Variants in OGN observed in about 807,000 individuals in gnomAD.
OGN encodes the protein mimecan.
In OGN, 19 loss-of-function variants were observed where a neutral mutation model predicts 30.8. The ratio of observed to expected loss-of-function variants is 0.62; its 90% confidence interval spans 0.43 to 0.90. OGN has a LOEUF of 0.90. Among genes scored for constraint, OGN ranks in the 40% least tolerant of loss-of-function variants. The probability of loss-of-function intolerance (pLI) is 0.00; values close to 1 mark genes in which losing one functional copy is unlikely to be tolerated. For missense variants in OGN, 283 were observed against 349.7 expected, an observed-to-expected ratio of 0.81 and a Z score of 1.52; for synonymous variants, 126 against 128.3, an observed-to-expected ratio of 0.98 and a Z score of 0.12.
chr9:92,396,101 C>T (rs1175047771), intron 3 of OGN, among the ~76,000 whole-genome samples: 2 of 152,128 alleles, frequency 1.3e-5, no homozygotes, highest in East Asian at 3.8e-4. Context: ...GTTCTTTCAG[C>T]ACCGTTTTTT....
At chr9:92,391,754 A>G (rs1842697058) in intron 4 of OGN, among the ~76,000 whole-genome samples, 1 of 152,214 alleles carries the variant, frequency 6.6e-6, no homozygotes, top group South Asian at 2.1e-4. Context: ...TACCTTGTTC[A>G]ACCTCAGATG....
At chr9:92,394,559 T>G (rs947598324) in intron 3 of OGN, among the ~76,000 whole-genome samples, 2 of 151,830 alleles carry the variant, frequency 1.3e-5, no homozygotes, top group African/African-American at 4.8e-5. Context: ...CCTATTTTGA[T>G]ATATTTTAAA....
Position 92,393,136 on chromosome 9 carries a change from G to A in OGN, c.377C>T (p.Ala126Val), listed in dbSNP as rs769144262. The A allele has an allele frequency of 2.5e-6, 4 of 1,613,736 alleles. No homozygotes were observed. The Admixed American group carries it at 5.0e-5, about 20-fold the overall frequency. The change falls in exon 4 of 7, where the codon GCA becomes GTA. Residue 126 changes from alanine to valine, a missense_variant. By Grantham distance (64) the Ala-to-Val change is moderately conservative. Transcript: ENST00000375561. ...PLPKESAYLY[A>V]RFNKIKKLTA... is the part of the protein sequence containing the mutation. ...CAGCTTTTTAATTTTGTTGAATCGTGCGTAAAGATAGGCTGATTCCTTTGG... is the reference window on the plus strand; with the variant it reads ...CAGCTTTTTAATTTTGTTGAATCGTACGTAAAGATAGGCTGATTCCTTTGG...
At chr9:92,394,647 C>G (rs531895495) in intron 3 of OGN, among the ~76,000 whole-genome samples, 51 of 152,076 alleles carry the variant, frequency 3.4e-4, no homozygotes, top group African/African-American at 1.2e-3. Flanking sequence ...CTTCGTCACC[C>G]AGGTTGGAGT....
Position 92,404,524 on chromosome 9 carries a change from GT to G in OGN, c.-105del. On this transcript the variant is annotated 5_prime_UTR_variant, in exon 1 of 7. An upstream open reading frame in the 5' UTR gains an earlier in-frame stop. Transcript: ENST00000375561. ...TGTAGCTGTTTTGAAGTTTTTTGTG[GT>G]TTTCCTCAATAGATGTTCATGTCTG... The G allele has an allele frequency of 7.7e-7, 1 of 1,297,208 alleles. No individual in the cohort carries two copies. Among genetic ancestry groups the G allele is most frequent in the Non-Finnish European group, 1.0e-6 (1 of 987,920 alleles). The allele number at this position is 1,297,208 out of a possible 1,614,324, so 80.4% of individuals were successfully genotyped here. A position where few individuals can be genotyped will look rare whatever the true frequency, so the allele number is the denominator to read the frequency against.
chr9:92,397,301 C>T (rs1842930575), intron 3 of OGN, among the ~76,000 whole-genome samples: 1 of 152,124 alleles, frequency 6.6e-6, no homozygotes, highest in Non-Finnish European at 1.5e-5. Flanking sequence ...TCAGCTATCT[C>T]TTCAGAAAGC....
At chr9:92,395,523 A>G (rs1015463376) in intron 3 of OGN, among the ~76,000 whole-genome samples, 2 of 152,188 alleles carry the variant, frequency 1.3e-5, no homozygotes, top group African/African-American at 4.8e-5. Flanking sequence ...TTGGGTAAGT[A>G]CCTAAGGAGT....
At chr9:92,396,916 A>C (rs1842915258) in intron 3 of OGN, among the ~76,000 whole-genome samples, 1 of 152,034 alleles carries the variant, frequency 6.6e-6, no homozygotes, top group African/African-American at 2.4e-5. Flanking sequence ...TGGCTCATAT[A>C]TGTAATCTTG....
Position 92,401,192 on chromosome 9 carries a change from G to A in OGN, c.175-7C>T. ...TTATCACAGTTTCTTTTTCCTATTG[G>A]AAAAATAAAAGTTTGTTACCTAGCT... On this transcript the variant is annotated splice_region_variant and splice_polypyrimidine_tract_variant and intron_variant, in intron 2 of 6. Transcript: ENST00000375561. 7.5e-7 allele frequency: 1 copy of A among 1,337,722 alleles called. No individual in the cohort carries two copies. Among genetic ancestry groups the A allele is most frequent in the African/African-American group, 1.5e-5 (1 of 68,768 alleles). 82.9% of individuals were successfully genotyped at this position (1,337,722 alleles called of 1,614,324 possible).
rs139234867 is a variant in OGN, at chr9:92,394,375, T to G, written c.269-1131A>C. On this transcript the variant is annotated intron_variant, in intron 3 of 6. Coordinates refer to ENST00000375561, the MANE Select transcript of OGN (RefSeq NM_014057.5). ...CTTCTGCCTCAGCCTCCTGAGTAGC[T>G]GGGATTACTGGCGTATGCCACCACA... Among the ~76,000 whole-genome samples the G allele has an allele frequency of 7.0e-3, 1,054 of 151,188 alleles. 14 individuals are homozygous for G. Among genetic ancestry groups the G allele is most frequent in the African/African-American group, 0.024 (986 of 41,246 alleles).
chr9:92,400,959 T>G (rs192414021), intron 3 of OGN, 133 bp downstream of exon 3: 159 of 541,076 alleles, frequency 2.9e-4, no homozygotes, highest in Middle Eastern at 2.5e-3. Context: ...CCAGTTTGAG[T>G]TTATCATTGG....
intron 4 of OGN, among the ~76,000 whole-genome samples, chr9:92,391,602 CAAA>C (rs376166761): frequency 1.3e-5 from 2 of 151,560 alleles, no homozygotes; most frequent in Non-Finnish European, 2.9e-5. Flanking sequence ...CTGTCTCAAA[CAAA>C]AAAACCCCCC....
rs764235963 is a variant in OGN at position 92,390,039 on chromosome 9, C to T, written c.445G>A (p.Asp149Asn). The change falls in exon 5 of 7, where the codon GAT (aspartate) becomes AAT (asparagine). Residue 149 changes from aspartate (D) to asparagine (N), a missense_variant. Asp to Asn is a conservative substitution (Grantham distance 23). Transcript: ENST00000375561. ...FADIPNLRRL[D>N]FTGNLIEDIE... Reference sequence around the variant, plus strand: ...TCTTCTATCAAATTTCCTGTAAAATCGAGTCTTCTTAAGTTAGCTAGAGGG... The same window carrying T: ...TCTTCTATCAAATTTCCTGTAAAATTGAGTCTTCTTAAGTTAGCTAGAGGG... The T allele has an allele frequency of 1.4e-5, 23 of 1,597,674 alleles. No individual in the cohort carries two copies. In the South Asian group the frequency reaches 1.8e-4, roughly 12 times the overall value.
intron 3 of OGN, among the ~76,000 whole-genome samples, chr9:92,394,408 AT>A (rs34978081): frequency 0.2 from 26,215 of 130,818 alleles, 2,274 homozygotes; most frequent in Middle Eastern, 0.26. Flanking sequence ...ACACATGGCT[AT>A]TTTTTTTTTT....
At chr9:92,397,199 A>C (rs550391747) in intron 3 of OGN, among the ~76,000 whole-genome samples, 1 of 152,060 alleles carries the variant, frequency 6.6e-6, no homozygotes, top group Non-Finnish European at 1.5e-5. Context: ...AACAAACAAA[A>C]AAACACCATT....
At chr9:92,402,039 C>T (rs1391734320) in intron 2 of OGN, among the ~76,000 whole-genome samples, 1 of 152,052 alleles carries the variant, frequency 6.6e-6, no homozygotes, top group African/African-American at 2.4e-5. Context: ...ATCTTAGACC[C>T]TGCATTTATA....
At chr9:92,385,917 T>A in intron 6 of OGN, 127 bp from the exon 7 acceptor site, 1 of 834,440 alleles carries the variant, frequency 1.2e-6, no homozygotes, top group Non-Finnish European at 1.9e-6. Flanking sequence ...TGTGTCAAAT[T>A]AATTAGGAAA....
At chr9:92,401,888 G>A (rs1209268003) in intron 2 of OGN, among the ~76,000 whole-genome samples, 5 of 152,102 alleles carry the variant, frequency 3.3e-5, no homozygotes, top group African/African-American at 1.2e-4. Flanking sequence ...TCCTTTGTAA[G>A]CATGTTCCAT....
Position 92,384,648 on chromosome 9 carries a change from G to A in OGN, c.*972C>T, listed in dbSNP as rs897271515. ...GAAAGTGTTACTCAGAAGCTTTATT[G>A]TGAATATTCAGTTTGTTACAGTGAA... On this transcript the variant is annotated 3_prime_UTR_variant, in exon 7 of 7. Transcript: ENST00000375561. The A allele has an allele frequency of 2.0e-5, 3 of 152,092 alleles. No homozygotes were observed. The highest frequency in any genetic ancestry group is 7.2e-5 in the African/African-American group (3 of 41,436). The allele number at this position is 152,092 out of a possible 1,614,324, so 9.4% of individuals were successfully genotyped here. A position where few individuals can be genotyped will look rare whatever the true frequency, so the allele number is the denominator to read the frequency against.
Sources: gnomAD v4.1 joint callset for allele counts (sites outside exome capture counted in the v4.1 genomes callset) on GRCh38, gnomAD v4.1.1 for gene constraint, MANE v1.5 for transcripts, NCBI Gene and HGNC (gene_info 2026-07-23, HGNC 2026-07-21) for gene names.